EGFR: variants seen among roughly 807,000 people sequenced by gnomAD.
EGFR encodes avian erythroblastic leukemia viral (v-erb-b) oncogene homolog.
A neutral mutation model predicts 143.0 loss-of-function variants in EGFR; 58 were observed. That is an observed-to-expected ratio of 0.41 (90% CI 0.33 to 0.50). The LOEUF (loss-of-function observed/expected upper bound fraction) is 0.50. Among genes scored for constraint, EGFR ranks in the 20% least tolerant of loss-of-function variants. The pLI is 0.39. For missense variants in EGFR, 1,307 were observed against 1,579.0 expected, an observed-to-expected ratio of 0.83 and a Z score of 2.92; for synonymous variants, 613 against 594.4, an observed-to-expected ratio of 1.03 and a Z score of -0.45.
At chr7:55,200,737 G>A (rs1787810813) in intron 24 of EGFR, 1 of 501,672 alleles carries the variant, frequency 2.0e-6, no homozygotes, top group Non-Finnish European at 3.6e-6. Flanking sequence ...AGGCAGACGT[G>A]GCTTCACACC....
At chr7:55,165,150 C>G in intron 14 of EGFR, 130 bp from the exon 15 acceptor site, 8 of 1,349,410 alleles carry the variant, frequency 5.9e-6, no homozygotes, top group Non-Finnish European at 8.3e-6. Context: ...TGGTTTTCTC[C>G]TTTAAGAATT....
intron 1 of EGFR, among the ~76,000 whole-genome samples, chr7:55,112,162 TAGAC>T (rs1205418719): frequency 2.0e-5 from 3 of 152,242 alleles, no homozygotes; most frequent in Non-Finnish European, 4.4e-5. Context: ...ATACCCAGCT[TAGAC>T]AGCAGTTCTG....
chr7:55,150,328 G>C (rs139513396), intron 4 of EGFR, among the ~76,000 whole-genome samples: 7 of 152,220 alleles, frequency 4.6e-5, no homozygotes, highest in Non-Finnish European at 8.8e-5. Context: ...TCCTCACAAC[G>C]TCCATCCCCC....
rs149565045 is a variant in EGFR at position 55,190,503 on chromosome 7, A to G, written c.2470-1216A>G. 4.0e-3 allele frequency among the ~76,000 whole-genome samples: 607 copies of G among 152,130 alleles called. 5 individuals are homozygous for G. Among genetic ancestry groups the G allele is most frequent in the African/African-American group, 0.014 (587 of 41,464 alleles). ...TGCCAATTCAACAAATCATTTTCAC[A>G]TAATATTCATGCAAAAAAAAAACAA... On this transcript the variant is annotated intron_variant, in intron 20 of 27. Coordinates refer to ENST00000275493, the MANE Select transcript of EGFR (RefSeq NM_005228.5).
At chr7:55,147,726 C>A (rs1794841922) in intron 4 of EGFR, among the ~76,000 whole-genome samples, 1 of 148,078 alleles carries the variant, frequency 6.8e-6, no homozygotes, top group Admixed American at 6.6e-5. Context: ...ACACACAGAA[C>A]TCTTTTATCT....
At chr7:55,156,941 T>G (rs974959262) in intron 10 of EGFR, 109 bp downstream of exon 10, 2 of 1,569,552 alleles carry the variant, frequency 1.3e-6, no homozygotes, top group African/African-American at 2.7e-5. Context: ...CTTCTGAAAT[T>G]TTACCGTTAA....
chr7:55,172,997 C>T lies in EGFR; in HGVS notation c.1934C>T (p.Ser645Phe), dbSNP rs772046081. Reference sequence around the variant, plus strand: ...CCTCATTCCAGGCCTAAGATCCCGTCCATCGCCACTGGGATGGTGGGGGCC... The same window carrying T: ...CCTCATTCCAGGCCTAAGATCCCGTTCATCGCCACTGGGATGGTGGGGGCC... ...GCPTNGPKIPSIATGMVGALL... is the reference protein window; with the variant it reads ...GCPTNGPKIPFIATGMVGALL... The change falls in exon 17 of 28, where the codon TCC becomes TTC. Residue 645 changes from serine to phenylalanine, a missense_variant. Transcript: ENST00000275493. The T allele has an allele frequency of 1.2e-6, 2 of 1,614,208 alleles. No individual in the cohort carries two copies. Among genetic ancestry groups the T allele is most frequent in the Non-Finnish European group, 1.7e-6 (2 of 1,180,046 alleles).
intron 1 of EGFR, among the ~76,000 whole-genome samples, chr7:55,051,666 A>C (rs960321599): frequency 6.6e-6 from 1 of 152,140 alleles, no homozygotes; most frequent in African/African-American, 2.4e-5. Context: ...ATCTTCTTTC[A>C]TCAAGTTAGG....
intron 24 of EGFR, chr7:55,200,694 A>G (rs1453301832): frequency 5.6e-6 from 3 of 539,912 alleles, no homozygotes; most frequent in Non-Finnish European, 1.0e-5. Flanking sequence ...GCTGGGTCTA[A>G]GAGAGAAGCA....
intron 1 of EGFR, among the ~76,000 whole-genome samples, chr7:55,130,888 C>T (rs562341105): frequency 1.1e-3 from 164 of 152,320 alleles, no homozygotes; most frequent in African/African-American, 3.7e-3. Flanking sequence ...TGGTCAGCTG[C>T]GGTCAGCACC....
chr7:55,128,742 TC>T (rs2128918722), intron 1 of EGFR, among the ~76,000 whole-genome samples: 1 of 152,324 alleles, frequency 6.6e-6, no homozygotes, highest in South Asian at 2.1e-4. Context: ...ATATCTGTAG[TC>T]AATAGCAAAT....
chr7:55,087,217 G>A (rs540818375), intron 1 of EGFR, among the ~76,000 whole-genome samples: 8 of 136,924 alleles, frequency 5.8e-5, no homozygotes, highest in African/African-American at 2.2e-4. Context: ...CTGCTGCCCA[G>A]CAAGCACTTC....
intron 1 of EGFR, among the ~76,000 whole-genome samples, chr7:55,120,632 G>C (rs1049170214): frequency 4.6e-5 from 7 of 152,158 alleles, no homozygotes; most frequent in African/African-American, 1.7e-4. Flanking sequence ...GAGACTGTTG[G>C]TATCTCCACA....
In EGFR at chr7:55,154,624, G is replaced by A. The variant is rs560692772; in HGVS notation, c.889+472G>A. Among the ~76,000 whole-genome samples the A allele has an allele frequency of 2.6e-4, 39 of 152,362 alleles. No homozygotes were observed. The Middle Eastern group carries it at 0.017, about 66-fold the overall frequency. ...CTAGTGAAAGTTATGCCTCTTAGGA[G>A]TATTGCAGAGGTTTTGTTTTTGTTT... On this transcript the variant is annotated intron_variant, in intron 7 of 27. Transcript: ENST00000275493.
At chr7:55,042,683 C>A (rs1395053521) in intron 1 of EGFR, among the ~76,000 whole-genome samples, 2 of 151,870 alleles carry the variant, frequency 1.3e-5, no homozygotes, top group African/African-American at 4.8e-5. Flanking sequence ...TTTTAATTAT[C>A]CAACCAGAAG....
rs1055315772 is a variant in EGFR, at chr7:55,205,309, G to A, written c.3325G>A (p.Val1109Ile). ...GCCCGCTGGCTCTGTGCAGAATCCT[G>A]TCTATCACAATCAGCCTCTGAACCC... ...KRPAGSVQNPVYHNQPLNPAP... is the reference protein window; with the variant it reads ...KRPAGSVQNPIYHNQPLNPAP... The change falls in exon 28 of 28, where the codon GTC becomes ATC. Residue 1109 changes from valine to isoleucine, a missense_variant. Coordinates refer to ENST00000275493, the MANE Select transcript of EGFR (RefSeq NM_005228.5). 1 of 1,612,470 alleles carries A rather than the reference G, an allele frequency of 6.2e-7. No homozygotes were observed. The highest frequency in any genetic ancestry group is 1.3e-5 in the African/African-American group (1 of 74,968).
At chr7:55,064,758 T>C (rs1188694499) in intron 1 of EGFR, among the ~76,000 whole-genome samples, 1 of 152,256 alleles carries the variant, frequency 6.6e-6, no homozygotes. Context: ...CTCATTGATC[T>C]TAGCCTTCTG....
In EGFR at chr7:55,191,767, G is replaced by A. The variant is rs143884981; in HGVS notation, c.2518G>A (p.Ala840Thr). 64 of 1,613,978 alleles carry A rather than the reference G, an allele frequency of 4.0e-5. No individual in the cohort carries two copies. Among genetic ancestry groups the A allele is most frequent in the Non-Finnish European group, 5.2e-5 (61 of 1,180,050 alleles). ...DRRLVHRDLA[A>T]RNVLVKTPQH... Reference sequence around the variant, plus strand: ...TCGCTTGGTGCACCGCGACCTGGCAGCCAGGAACGTACTGGTGAAAACACC... The same window carrying A: ...TCGCTTGGTGCACCGCGACCTGGCAACCAGGAACGTACTGGTGAAAACACC... The change falls in exon 21 of 28, where the codon GCC becomes ACC. Residue 840 changes from alanine (A) to threonine (T), a missense_variant. This residue lies in a region of EGFR where 348 missense variants were observed against 451.5 expected (regional missense o/e 0.77). Coordinates refer to ENST00000275493, the MANE Select transcript of EGFR (RefSeq NM_005228.5).
intron 1 of EGFR, among the ~76,000 whole-genome samples, chr7:55,134,171 C>CCAGGACT (rs1794006417): frequency 6.6e-6 from 1 of 152,126 alleles, no homozygotes; most frequent in African/African-American, 2.4e-5. Flanking sequence ...AGATACAGTT[C>CCAGGACT]CAGGACTCAG....
Sources: gnomAD v4.1 joint callset for allele counts (sites outside exome capture counted in the v4.1 genomes callset) on GRCh38, gnomAD v4.1.1 for gene constraint, gnomAD v4.1.1 regional missense constraint, MANE v1.5 for transcripts, NCBI Gene and HGNC (gene_info 2026-07-23, HGNC 2026-07-21) for gene names.